STX6: variants seen among roughly 807,000 people sequenced by gnomAD.
STX6 encodes syntaxin-6.
Under a neutral mutation model 38.0 loss-of-function variants are expected in STX6, and 23 were observed. The ratio of observed to expected loss-of-function variants is 0.60; its 90% CI spans 0.43 to 0.86. The LOEUF is 0.86. STX6 is among the 40% of genes least tolerant of loss of function. STX6 has a pLI of 0.00. For missense variants in STX6, 274 were observed against 312.9 expected (o/e 0.88, Z 0.94); for synonymous variants, 123 against 107.5 (o/e 1.14, Z -0.89).
At chr1:181,021,616 T>A (rs1024875078) in intron 1 of STX6, among the ~76,000 whole-genome samples, 1 of 152,216 alleles carries the variant, frequency 6.6e-6, no homozygotes, top group Non-Finnish European at 1.5e-5. Flanking sequence ...GTTTTCAGAT[T>A]TTTCATGTTT....
chr1:180,976,317 C>T lies in STX6; in HGVS notation c.*253G>A. ...AGGCAGCAGCTAGTTCTCCTCCGAA[C>T]TGGACAGGCGGCATGGGGCTTCTGT... is the stretch of plus-strand genomic sequence containing the variant. On this transcript the variant is annotated 3_prime_UTR_variant, in exon 8 of 8. Coordinates refer to ENST00000258301, the MANE Select transcript of STX6 (RefSeq NM_005819.6). The T allele has an allele frequency of 2.1e-6, 1 of 470,434 alleles. No individual in the cohort carries two copies. The highest frequency in any genetic ancestry group is 2.6e-5 in the South Asian group (1 of 38,258). The allele number at this position is 470,434 out of a possible 1,614,324, so 29.1% of individuals were successfully genotyped here.
At chr1:180,998,649 G>A (rs534574749) in intron 3 of STX6, among the ~76,000 whole-genome samples, 4 of 152,290 alleles carry the variant, frequency 2.6e-5, no homozygotes, top group African/African-American at 7.2e-5. Flanking sequence ...CCAAAGTGCT[G>A]GGATTATAGG....
At chr1:180,984,534 G>A (rs1227620432) in intron 7 of STX6, 143 bp downstream of exon 7, 4 of 425,282 alleles carry the variant, frequency 9.4e-6, no homozygotes, top group Non-Finnish European at 1.7e-5. Context: ...GGGTGAAAGA[G>A]TGAGACTCTG....
chr1:180,985,525 T>A (rs1028902910), intron 6 of STX6, among the ~76,000 whole-genome samples: 1 of 152,220 alleles, frequency 6.6e-6, no homozygotes, highest in African/African-American at 2.4e-5. Flanking sequence ...AGGACTAACA[T>A]CCCTGATGGG....
At chr1:180,990,609 C>T (rs994846133) in intron 4 of STX6, among the ~76,000 whole-genome samples, 7 of 152,100 alleles carry the variant, frequency 4.6e-5, no homozygotes, top group Non-Finnish European at 8.8e-5. Context: ...TAGCCCTTCA[C>T]ACACAAAGGC....
At chr1:180,992,525 A>AAG in intron 4 of STX6, among the ~76,000 whole-genome samples, 1 of 152,370 alleles carries the variant, frequency 6.6e-6, no homozygotes, top group Non-Finnish European at 1.5e-5. Flanking sequence ...TAAAGCAAAT[A>AAG]GTATCATTTT....
chr1:181,005,440 G>C lies in STX6; in HGVS notation c.59C>G (p.Thr20Ser). Residue 20 changes from threonine (T) to serine (S), a missense_variant, in exon 2 of 8, where the codon ACT becomes AGT. Physicochemically the swap from Thr to Ser is moderately conservative, Grantham distance 58 (BLOSUM62 1). Coordinates refer to ENST00000258301, the MANE Select transcript of STX6 (RefSeq NM_005819.6). Reference sequence around the variant, plus strand: ...CCATCTCTGAAACAATCCCTGGGCAGTGTTGACTGCTTTCTGTACCTCTCT... The same window carrying C: ...CCATCTCTGAAACAATCCCTGGGCACTGTTGACTGCTTTCTGTACCTCTCT... ...VKGEVQKAVNTAQGLFQRWTE... is the reference protein window; with the variant it reads ...VKGEVQKAVNSAQGLFQRWTE... 2 of 1,613,868 alleles carry C rather than the reference G, an allele frequency of 1.2e-6. No homozygotes were observed. Among genetic ancestry groups the C allele is most frequent in the Non-Finnish European group, 1.7e-6 (2 of 1,179,830 alleles).
At chr1:180,998,931 G>C (rs1655994073) in intron 3 of STX6, among the ~76,000 whole-genome samples, 1 of 152,172 alleles carries the variant, frequency 6.6e-6, no homozygotes, top group African/African-American at 2.4e-5. Flanking sequence ...AAATGTCCTG[G>C]TTATTTATGC....
Position 180,984,717 on chromosome 1 carries a change from A to T in STX6, c.651T>A (p.Asn217Lys). The T allele has an allele frequency of 6.3e-7, 1 of 1,594,990 alleles. No homozygotes were observed. Among genetic ancestry groups the T allele is most frequent in the Non-Finnish European group, 8.6e-7 (1 of 1,163,326 alleles). The change falls in exon 7 of 8, where the codon AAT (asparagine) becomes AAA (lysine). Residue 217 changes from asparagine to lysine, a missense_variant. Asn to Lys is a moderately conservative substitution (Grantham distance 94). Coordinates refer to ENST00000258301, the MANE Select transcript of STX6 (RefSeq NM_005819.6). The stretch of plus-strand genomic sequence containing the variant: ...ATACTTTTGCAAGTTTCTTCATCAC[A>T]TTGTCCAGCCGGGACTGAGTGCTCT... ...ELESTQSRLDNVMKKLAKVSH... is the reference protein window; with the variant it reads ...ELESTQSRLDKVMKKLAKVSH...
At chr1:181,012,812 T>C (rs1656445070) in intron 1 of STX6, among the ~76,000 whole-genome samples, 1 of 151,758 alleles carries the variant, frequency 6.6e-6, no homozygotes, top group Admixed American at 6.6e-5. Context: ...GTAGCTGGGA[T>C]TACAGGCATG....
In STX6 at chr1:181,005,398, T is replaced by C; in HGVS notation, c.101A>G (p.Asp34Gly). The change falls in exon 2 of 8, where the codon GAC (aspartate) becomes GGC (glycine). Residue 34 changes from aspartate to glycine, a missense_variant. Physicochemically the swap from Asp to Gly is moderately conservative, Grantham distance 94. Transcript: ENST00000258301. The part of the protein sequence containing the change: ...LFQRWTELLQ[D>G]PSTATREEID... ...TTCTTCCCTTGTTGCTGTGGAGGGG[T>C]CCTGGAGGAGCTCTGTCCATCTCTG... is the stretch of plus-strand genomic sequence containing the variant. The C allele has an allele frequency of 6.2e-7, 1 of 1,614,044 alleles. No homozygotes were observed. The highest frequency in any genetic ancestry group is 8.5e-7 in the Non-Finnish European group (1 of 1,179,980).
Position 181,015,810 on chromosome 1 carries a change from C to A in STX6, c.35+6829G>T, listed in dbSNP as rs550672448. 2.6e-5 allele frequency among the ~76,000 whole-genome samples: 4 copies of A among 152,222 alleles called. No individual in the cohort carries two copies. The South Asian group carries it at 6.2e-4, about 24-fold the overall frequency. ...AAGTAGCTGGGACTACAGGTGCCCA[C>A]CACCACACCCAGCTAATTTTTTGTA... On this transcript the variant is annotated intron_variant, in intron 1 of 7. Coordinates refer to ENST00000258301, the MANE Select transcript of STX6 (RefSeq NM_005819.6).
chr1:181,021,557 A>C (rs1293402114), intron 1 of STX6, among the ~76,000 whole-genome samples: 1 of 152,250 alleles, frequency 6.6e-6, no homozygotes, highest in Non-Finnish European at 1.5e-5. Context: ...CAACTAGTAA[A>C]AAGCAAGGGA....
intron 7 of STX6, among the ~76,000 whole-genome samples, chr1:180,984,259 G>T (rs1655505718): frequency 6.6e-6 from 1 of 151,066 alleles, no homozygotes; most frequent in Non-Finnish European, 1.5e-5. Flanking sequence ...CATAAGAAAG[G>T]GATCAGCTAG....
rs569048140 is a variant in STX6 at position 181,015,261 on chromosome 1, G to A, written c.35+7378C>T. 2.0e-5 allele frequency among the ~76,000 whole-genome samples: 3 copies of A among 152,200 alleles called. 1 individual carries two copies. The highest frequency in any genetic ancestry group is 7.2e-5 in the African/African-American group (3 of 41,496). On this transcript the variant is annotated intron_variant, in intron 1 of 7. Transcript: ENST00000258301. ...AGGCTTAATTCCTATATTTTTAGCTGCCTATAGGATCATTCCATTTGCCTA... is the reference window on the plus strand; with the variant it reads ...AGGCTTAATTCCTATATTTTTAGCTACCTATAGGATCATTCCATTTGCCTA...
chr1:180,993,895 T>G (rs1051336138), intron 3 of STX6, among the ~76,000 whole-genome samples: 11 of 152,198 alleles, frequency 7.2e-5, no homozygotes. Context: ...TTACAATATA[T>G]GTAAAAAACC....
At chr1:181,004,966 G>C (rs1273214473) in intron 2 of STX6, among the ~76,000 whole-genome samples, 1 of 142,804 alleles carries the variant, frequency 7.0e-6, no homozygotes, top group African/African-American at 2.6e-5. Context: ...GAAAAAAAGG[G>C]TTTTTTTTTT....
Position 180,976,313 on chromosome 1 carries a change from C to T in STX6, c.*257G>A, listed in dbSNP as rs1655247006. 3 of 454,802 alleles carry T rather than the reference C, an allele frequency of 6.6e-6. No homozygotes were observed. Among genetic ancestry groups the T allele is most frequent in the East Asian group, 3.8e-5 (1 of 26,620 alleles). 28.2% of individuals were successfully genotyped at this position (454,802 alleles called of 1,614,324 possible). The stretch of plus-strand genomic sequence containing the variant: ...GGCAAGGCAGCAGCTAGTTCTCCTC[C>T]GAACTGGACAGGCGGCATGGGGCTT... On this transcript the variant is annotated 3_prime_UTR_variant, in exon 8 of 8. Transcript: ENST00000258301.
At chr1:181,008,288 T>C (rs571410961) in intron 1 of STX6, among the ~76,000 whole-genome samples, 68 of 152,340 alleles carry the variant, frequency 4.5e-4, no homozygotes, top group African/African-American at 1.5e-3. Context: ...CATTGGTCAA[T>C]CTTGTACAGG....
Sources: gnomAD v4.1 joint callset for allele counts (sites outside exome capture counted in the v4.1 genomes callset) on GRCh38, gnomAD v4.1.1 for gene constraint, MANE v1.5 for transcripts, NCBI Gene and HGNC (gene_info 2026-07-23, HGNC 2026-07-21) for gene names.